Variants in GRIP2 observed in about 807,000 individuals in gnomAD.
GRIP2 encodes the protein glutamate receptor interacting protein 2.
A neutral mutation model predicts 108.3 loss-of-function variants in GRIP2; 58 were observed. The ratio of observed to expected loss-of-function variants is 0.54; its 90% CI spans 0.43 to 0.67. The LOEUF (loss-of-function observed/expected upper bound fraction) is 0.67, where lower values mean the gene tolerates loss of function less well. GRIP2 is among the 30% of genes least tolerant of loss of function. The probability of loss-of-function intolerance (pLI) is 0.00; values close to 1 mark genes in which losing one functional copy is unlikely to be tolerated. For missense variants in GRIP2, 1,278 were observed against 1,430.6 expected, an observed-to-expected ratio of 0.89 and a Z score of 1.72; for synonymous variants, 586 against 598.2, an observed-to-expected ratio of 0.98 and a Z score of 0.30.
chr3:14,539,879 T>C (rs888840398), intron 1 of GRIP2, among the ~76,000 whole-genome samples: 17 of 152,162 alleles, frequency 1.1e-4, no homozygotes, highest in Non-Finnish European at 2.9e-5. Context: ...CCATGGGCCT[T>C]GGGCTCTCAC....
At chr3:14,560,148 C>T (rs79306236), upstream of GRIP2, among the ~76,000 whole-genome samples, 2,508 of 151,916 alleles carry the variant, frequency 0.017, 84 homozygotes, top group East Asian at 0.14. Context: ...CAGCTACTCA[C>T]GAGGCTGAGG....
At chr3:14,499,616 C>A (rs1220676684) in intron 21 of GRIP2, among the ~76,000 whole-genome samples, 5 of 151,874 alleles carry the variant, frequency 3.3e-5, no homozygotes, top group Admixed American at 6.6e-5. Flanking sequence ...CCCAGCTACT[C>A]GGGTGGCAGA....
the GRIP2 span, among the ~76,000 whole-genome samples, chr3:14,592,885 T>C: frequency 6.6e-6 from 1 of 152,148 alleles, no homozygotes; most frequent in Non-Finnish European, 1.5e-5. Flanking sequence ...CTGACTAGCA[T>C]CCTCTTCCCA....
chr3:14,526,971 G>A (rs770290317), intron 1 of GRIP2, among the ~76,000 whole-genome samples: 8 of 152,172 alleles, frequency 5.3e-5, no homozygotes, highest in African/African-American at 1.9e-4. Flanking sequence ...TGGATCACTT[G>A]AACCCAGGGG....
rs1355628528 is a variant in GRIP2, at chr3:14,505,996, C to A, written c.2399-207G>T. On this transcript the variant is annotated intron_variant, in intron 19 of 23. Transcript: ENST00000621039. The surrounding 1 kb of genome is among the most constrained non-coding windows in gnomAD (Gnocchi z 4.2). ...AGTTAATGCCTGGGGCTCTGCGACT[C>A]TGTCTCAACTCCATCGGCCTGGGCT... Among the ~76,000 whole-genome samples, 3 of 152,206 alleles carry A rather than the reference C, an allele frequency of 2.0e-5. No individual in the cohort carries two copies. The highest frequency in any genetic ancestry group is 7.2e-5 in the African/African-American group (3 of 41,438).
the GRIP2 span, among the ~76,000 whole-genome samples, chr3:14,580,773 A>G: frequency 6.6e-6 from 1 of 152,176 alleles, no homozygotes; most frequent in Non-Finnish European, 1.5e-5. Flanking sequence ...TGTTTGGTCA[A>G]ACATAGTCTG....
rs1046729667 is a variant in GRIP2 at position 14,514,495 on chromosome 3, C to T, written c.1307-17G>A. On this transcript the variant is annotated splice_polypyrimidine_tract_variant and intron_variant, in intron 11 of 23. Transcript: ENST00000621039. The stretch of plus-strand genomic sequence containing the variant: ...CTAGCGACACTGTAGGACAGGTGGG[C>T]CCAGCATTCAGGTGAGCCGCCCCAC... The T allele has an allele frequency of 6.5e-7, 1 of 1,533,486 alleles. No individual in the cohort carries two copies. The highest frequency in any genetic ancestry group is 2.0e-5 in the Admixed American group (1 of 50,120). 95.0% of individuals were successfully genotyped at this position (1,533,486 alleles called of 1,614,324 possible). A position where few individuals can be genotyped will look rare whatever the true frequency, so the allele number is the denominator to read the frequency against.
Position 14,520,480 on chromosome 3 carries a change from G to A in GRIP2, c.770C>T (p.Ser257Phe). The A allele has an allele frequency of 6.2e-7, 1 of 1,613,870 alleles. No individual in the cohort carries two copies. Among genetic ancestry groups the A allele is most frequent in the African/African-American group, 1.3e-5 (1 of 75,060 alleles). ...LMVEIVKTPG[S>F]ALGISLTTTS... ...GGTGGTGAGCGAGATCCCCAGGGCA[G>A]ACCCTGGCGTCTTGACTATTTCCAC... is the stretch of plus-strand genomic sequence containing the variant. The change falls in exon 8 of 24, where the codon TCT (serine) becomes TTT (phenylalanine). Residue 257 changes from serine (S) to phenylalanine (F), a missense_variant. Transcript: ENST00000621039.
At chr3:14,577,979 G>T in the GRIP2 span, among the ~76,000 whole-genome samples, 1 of 152,238 alleles carries the variant, frequency 6.6e-6, no homozygotes, top group East Asian at 1.9e-4. Context: ...CAGGATGGGA[G>T]CTTAAGGTCT....
In GRIP2 at chr3:14,514,272, G is replaced by A. The variant is rs769344231; in HGVS notation, c.1493+20C>T. On this transcript the variant is annotated intron_variant, in intron 12 of 23. Coordinates refer to ENST00000621039, the MANE Select transcript of GRIP2 (RefSeq NM_001080423.4). The stretch of plus-strand genomic sequence containing the variant: ...TCTCAGAGAGTGGCAGGCTCAGTAG[G>A]GAGGGGGCAGGAGGCTCACCTCTCA... 1 of 1,533,518 alleles carries A rather than the reference G, an allele frequency of 6.5e-7. No homozygotes were observed. Among genetic ancestry groups the A allele is most frequent in the Non-Finnish European group, 8.8e-7 (1 of 1,137,678 alleles). The allele number at this position is 1,533,518 out of a possible 1,614,324, so 95.0% of individuals were successfully genotyped here.
intron 1 of GRIP2, among the ~76,000 whole-genome samples, chr3:14,530,277 G>A (rs4685186): frequency 0.41 from 62,600 of 151,882 alleles, 14,159 homozygotes; most frequent in South Asian, 0.61. Flanking sequence ...CTTTTCCTGT[G>A]TCTCTGAGCC....
intron 1 of GRIP2, among the ~76,000 whole-genome samples, chr3:14,537,826 C>T (rs1694870126): frequency 6.6e-6 from 1 of 152,216 alleles, no homozygotes; most frequent in Non-Finnish European, 1.5e-5. Context: ...AGCATGGCAG[C>T]AAGTGCCTGC....
chr3:14,532,753 G>A (rs1334158145), intron 1 of GRIP2, among the ~76,000 whole-genome samples: 1 of 151,788 alleles, frequency 6.6e-6, no homozygotes, highest in Non-Finnish European at 1.5e-5. Context: ...CGCAGACTGA[G>A]TCGGAGGTGG....
In GRIP2 at chr3:14,489,481, C is replaced by T. The variant is rs1446911637; in HGVS notation, c.*4184G>A. On this transcript the variant is annotated 3_prime_UTR_variant, in exon 24 of 24. Coordinates refer to ENST00000621039, the MANE Select transcript of GRIP2 (RefSeq NM_001080423.4). ...AGGTATTTTCCCAGGTTAGAGGTTC[C>T]CACATGGAGGCTCACAGAGGAAGCA... 3 of 152,494 alleles carry T rather than the reference C, an allele frequency of 2.0e-5. No individual in the cohort carries two copies. Among genetic ancestry groups the T allele is most frequent in the African/African-American group, 7.2e-5 (3 of 41,420 alleles). The allele number at this position is 152,494 out of a possible 1,614,324, so 9.4% of individuals were successfully genotyped here.
chr3:14,534,961 A>G (rs896816987), intron 1 of GRIP2, among the ~76,000 whole-genome samples: 1 of 152,154 alleles, frequency 6.6e-6, no homozygotes, highest in Non-Finnish European at 1.5e-5. Context: ...CTATAAAGTC[A>G]GCCGGCTTTG....
At chr3:14,602,503 GAC>G in the GRIP2 span, among the ~76,000 whole-genome samples, 1 of 151,926 alleles carries the variant, frequency 6.6e-6, no homozygotes, top group Non-Finnish European at 1.5e-5. The surrounding 1 kb of genome is among the most constrained non-coding windows in gnomAD (Gnocchi z 4.7). Flanking sequence ...GCCACCTCCC[GAC>G]ACCCGGCGGG....
At chr3:14,579,580 A>G in the GRIP2 span, among the ~76,000 whole-genome samples, 3 of 152,034 alleles carry the variant, frequency 2.0e-5, no homozygotes, top group African/African-American at 4.8e-5. Context: ...AACAGCAACC[A>G]CAGCCCAACC....
At position 14,525,694 on chromosome 3, in the gene GRIP2, T is replaced by C. The variant is rs1694535602; in HGVS notation, c.122-122A>G. On this transcript the variant is annotated intron_variant, in intron 2 of 23. Transcript: ENST00000621039. ...CACTCTGCTGCATTGCCCTGGGTGA[T>C]GATCACCTCCTTTTTACAGAGGAGA... The C allele has an allele frequency of 3.7e-6, 5 of 1,347,262 alleles. No individual in the cohort carries two copies. The South Asian group carries it at 5.1e-5, about 14-fold the overall frequency. The allele number at this position is 1,347,262 out of a possible 1,614,324, so 83.5% of individuals were successfully genotyped here. A position where few individuals can be genotyped will look rare whatever the true frequency, so the allele number is the denominator to read the frequency against.
chr3:14,542,926 G>A (rs562735592), upstream of GRIP2, among the ~76,000 whole-genome samples: 5 of 152,270 alleles, frequency 3.3e-5, no homozygotes, highest in East Asian at 5.8e-4. Context: ...CACCAGCACC[G>A]CTATTCTTAA....
Sources: gnomAD v4.1 joint callset for allele counts (sites outside exome capture counted in the v4.1 genomes callset) on GRCh38, gnomAD v4.1.1 for gene constraint, Gnocchi (gnomAD v3.1) non-coding constraint, MANE v1.5 for transcripts, NCBI Gene and HGNC (gene_info 2026-07-23, HGNC 2026-07-21) for gene names.